SSH2: variants seen among roughly 807,000 people sequenced by gnomAD.
The protein encoded by SSH2 is protein phosphatase Slingshot homolog 2.
Under a neutral mutation model 135.2 loss-of-function variants are expected in SSH2, and 37 were observed. The observed-to-expected ratio is 0.27, with a 90% confidence interval of 0.21 to 0.36. SSH2 has a LOEUF of 0.36. Among genes scored for constraint, SSH2 ranks in the 10% least tolerant of loss-of-function variants. SSH2 has a pLI of 1.00. For missense variants in SSH2, 1,408 were observed against 1,765.3 expected (o/e 0.80, Z 3.63); for synonymous variants, 628 against 646.2 (o/e 0.97, Z 0.43).
intron 3 of SSH2, among the ~76,000 whole-genome samples, chr17:29,746,080 T>C (rs1025254593): frequency 5.9e-5 from 9 of 152,108 alleles, no homozygotes; most frequent in African/African-American, 2.2e-4. Flanking sequence ...ATCACAGAGG[T>C]AGGATTAACA....
At chr17:29,700,574 G>A (rs932045021) in intron 4 of SSH2, among the ~76,000 whole-genome samples, 4 of 152,000 alleles carry the variant, frequency 2.6e-5, no homozygotes, top group Admixed American at 2.6e-4. Flanking sequence ...ATTCCTTCTG[G>A]GTTGAATTTC....
intron 15 of SSH2, among the ~76,000 whole-genome samples, chr17:29,633,385 T>G (rs1333388505): frequency 6.6e-6 from 1 of 152,166 alleles, no homozygotes; most frequent in Non-Finnish European, 1.5e-5. Flanking sequence ...AGGGCTAAGA[T>G]ATGTCCTTAG....
chr17:29,803,780 G>A (rs573186189), intron 2 of SSH2, among the ~76,000 whole-genome samples: 1 of 152,324 alleles, frequency 6.6e-6, no homozygotes, highest in African/African-American at 2.4e-5. Context: ...AGCTATTTAG[G>A]AGGGCAAAGC....
intron 11 of SSH2, among the ~76,000 whole-genome samples, chr17:29,665,300 T>G (rs1367800804): frequency 6.6e-6 from 1 of 152,118 alleles, no homozygotes; most frequent in African/African-American, 2.4e-5. Context: ...TACTGGTCAG[T>G]TAAAGTAATG....
chr17:29,929,916 G>A (rs1364678827), intron 1 of SSH2, 22 bp downstream of exon 1: 1 of 1,579,494 alleles, frequency 6.3e-7, no homozygotes, highest in Non-Finnish European at 8.6e-7. Context: ...AGCAAGCGGA[G>A]CGGCCGCCAG....
intron 8 of SSH2, chr17:29,676,529 GT>G (rs1329763984): frequency 3.2e-6 from 1 of 307,844 alleles, no homozygotes; most frequent in African/African-American, 2.2e-5. Flanking sequence ...TAGTCAATAT[GT>G]CCCTAATAAA....
At chr17:29,813,751 G>T (rs572324775) in intron 2 of SSH2, among the ~76,000 whole-genome samples, 11 of 152,052 alleles carry the variant, frequency 7.2e-5, no homozygotes, top group Admixed American at 3.3e-4. Flanking sequence ...CCGGGAGGTG[G>T]AGGTTGCAGT....
intron 12 of SSH2, 85 bp from the exon 13 acceptor site, chr17:29,650,885 GT>G: frequency 8.9e-7 from 1 of 1,119,850 alleles, no homozygotes; most frequent in Non-Finnish European, 1.2e-6. Context: ...CTTAAAACTT[GT>G]TTATTCCATA....
At chr17:29,701,388 C>T (rs995496622) in intron 4 of SSH2, among the ~76,000 whole-genome samples, 6 of 146,974 alleles carry the variant, frequency 4.1e-5, no homozygotes, top group Middle Eastern at 3.7e-3. Flanking sequence ...ATCATAGGCG[C>T]GAGCCGTGCC....
At chr17:29,675,455 A>G (rs1162996056) in intron 8 of SSH2, among the ~76,000 whole-genome samples, 2 of 152,192 alleles carry the variant, frequency 1.3e-5, no homozygotes, top group East Asian at 3.8e-4. Context: ...TCTTAGTCAC[A>G]TCATTCTCTG....
chr17:29,926,933 G>C (rs1267120781), intron 1 of SSH2, among the ~76,000 whole-genome samples: 1 of 152,194 alleles, frequency 6.6e-6, no homozygotes, highest in Admixed American at 6.5e-5. Context: ...AGGAGGAAAA[G>C]ATGGCAGATT....
intron 1 of SSH2, among the ~76,000 whole-genome samples, chr17:29,903,394 T>C (rs1341372123): frequency 2.0e-5 from 3 of 151,222 alleles, no homozygotes; most frequent in African/African-American, 7.3e-5. Context: ...TTCTATGATA[T>C]ACCACAACTT....
At chr17:29,738,745 G>A (rs1036680634) in intron 3 of SSH2, among the ~76,000 whole-genome samples, 4 of 151,630 alleles carry the variant, frequency 2.6e-5, no homozygotes, top group African/African-American at 7.3e-5. Flanking sequence ...TAGTAGAGAC[G>A]GGGTTTCACT....
intron 3 of SSH2, among the ~76,000 whole-genome samples, chr17:29,728,679 T>C (rs1345039485): frequency 2.6e-5 from 4 of 152,110 alleles, no homozygotes; most frequent in Non-Finnish European, 5.9e-5. Context: ...CAAAACAGCA[T>C]GGTAATGTCA....
intron 2 of SSH2, among the ~76,000 whole-genome samples, chr17:29,820,707 A>G (rs546590428): frequency 6.6e-6 from 1 of 152,326 alleles, no homozygotes; most frequent in African/African-American, 2.4e-5. Context: ...AAACATGCAC[A>G]CTGAATTTCT....
intron 2 of SSH2, among the ~76,000 whole-genome samples, chr17:29,814,305 C>T: frequency 6.8e-6 from 1 of 148,138 alleles, no homozygotes; most frequent in East Asian, 2.0e-4. Flanking sequence ...CGTGGTGGCG[C>T]GCTTGTAGTC....
chr17:29,927,125 GC>G (rs1478321095), intron 1 of SSH2, among the ~76,000 whole-genome samples: 4 of 152,150 alleles, frequency 2.6e-5, no homozygotes, highest in African/African-American at 9.7e-5. Flanking sequence ...TTAACATGAT[GC>G]CTGGCATAGA....
At chr17:29,857,755 G>A (rs564066973) in intron 1 of SSH2, among the ~76,000 whole-genome samples, 5 of 152,158 alleles carry the variant, frequency 3.3e-5, no homozygotes, top group Non-Finnish European at 7.3e-5. Context: ...CAAAGTGTTG[G>A]CATAAGCCAT....
chr17:29,838,019 C>T (rs1453164045), intron 2 of SSH2, among the ~76,000 whole-genome samples: 1 of 152,228 alleles, frequency 6.6e-6, no homozygotes, highest in Non-Finnish European at 1.5e-5. Context: ...TGCAGCTGCC[C>T]AAACCTCGGC....
Sources: gnomAD v4.1 joint callset for allele counts (sites outside exome capture counted in the v4.1 genomes callset) on GRCh38, gnomAD v4.1.1 for gene constraint, MANE v1.5 for transcripts, NCBI Gene and HGNC (gene_info 2026-07-23, HGNC 2026-07-21) for gene names.